The following VPS8 variants were observed in gnomAD, a reference collection of about 807,000 sequenced individuals.
VPS8 encodes the protein VPS8 subunit of CORVET complex.
VPS8 carries 129 observed loss-of-function variants against 216.4 expected under a neutral mutation model. That is an observed-to-expected ratio of 0.60 (90% CI 0.52 to 0.69). The LOEUF (loss-of-function observed/expected upper bound fraction) is 0.69, where lower values mean the gene tolerates loss of function less well. VPS8 is among the 30% of genes least tolerant of loss of function. The pLI, the probability that VPS8 is intolerant of heterozygous loss-of-function variation, is 0.00. For missense variants in VPS8, 1,531 were observed against 1,683.5 expected, an observed-to-expected ratio of 0.91 and a Z score of 1.59; for synonymous variants, 571 against 565.4, an observed-to-expected ratio of 1.01 and a Z score of -0.14.
intron 1 of VPS8, 79 bp downstream of exon 1, chr3:184,812,304 G>A (rs1484714155): frequency 1.3e-5 from 2 of 152,252 alleles, no homozygotes; most frequent in Admixed American, 6.5e-5. Flanking sequence ...GAGAGCGCGC[G>A]ACAGGTCTCT....
chr3:184,862,590 T>G (rs1726573669), intron 15 of VPS8, among the ~76,000 whole-genome samples: 1 of 152,240 alleles, frequency 6.6e-6, no homozygotes, highest in Admixed American at 6.5e-5. Context: ...GATAATGAAG[T>G]CATTTGTGCC....
chr3:184,957,763 T>C (rs1745856926), intron 37 of VPS8, among the ~76,000 whole-genome samples: 1 of 152,232 alleles, frequency 6.6e-6, no homozygotes, highest in Non-Finnish European at 1.5e-5. Flanking sequence ...CTCAAGGCAG[T>C]GGCTTAGGGG....
At chr3:184,893,957 A>G (rs1732853431) in intron 22 of VPS8, among the ~76,000 whole-genome samples, 1 of 152,228 alleles carries the variant, frequency 6.6e-6, no homozygotes, top group Non-Finnish European at 1.5e-5. Flanking sequence ...AGAATTCCGA[A>G]TTCTGTCTGT....
intron 39 of VPS8, among the ~76,000 whole-genome samples, chr3:184,968,143 T>C (rs1388249013): frequency 7.9e-5 from 12 of 152,196 alleles, no homozygotes; most frequent in African/African-American, 2.9e-4. Flanking sequence ...AATTATATAG[T>C]GTTTGTCGTT....
At chr3:184,894,346 G>C (rs1381331039) in intron 22 of VPS8, among the ~76,000 whole-genome samples, 1 of 152,008 alleles carries the variant, frequency 6.6e-6, no homozygotes, top group East Asian at 1.9e-4. Context: ...TGCCACAATA[G>C]ACTGAGCACA....
Position 184,999,852 on chromosome 3 carries a change from C to A in VPS8, c.3993C>A (p.Thr1331=), listed in dbSNP as rs1426116943. The change falls in exon 45 of 48, where the codon ACC becomes ACA. Residue 1331 remains threonine, a synonymous_variant. Transcript: ENST00000625842. ...CTGAAATTAAAAAGGGAAGGATAAC[C>A]CCATCACAGGTAAGACTTGTTTTCG... ...NSSEIKKGRI[T]PSQVKMSPSY... 6.2e-7 allele frequency: 1 copy of A among 1,609,000 alleles called. No homozygotes were observed.
At chr3:184,964,307 A>G (rs151276239) in intron 37 of VPS8, among the ~76,000 whole-genome samples, 161 bp from the exon 38 acceptor site, 443 of 152,270 alleles carry the variant, frequency 2.9e-3, no homozygotes, top group African/African-American at 0.01. Flanking sequence ...GATCTACTAT[A>G]TGACTAGAAA....
At chr3:184,993,788 A>G (rs1442377626) in intron 42 of VPS8, among the ~76,000 whole-genome samples, 195 bp from the exon 43 acceptor site, 1 of 152,188 alleles carries the variant, frequency 6.6e-6, no homozygotes, top group Non-Finnish European at 1.5e-5. Flanking sequence ...GGATAATTTA[A>G]ATTTTGTTTT....
At chr3:184,898,117 A>G (rs879771364) in intron 23 of VPS8, among the ~76,000 whole-genome samples, 10 of 151,138 alleles carry the variant, frequency 6.6e-5, no homozygotes, top group Non-Finnish European at 1.5e-4. Context: ...CCCAAGTCTT[A>G]ACTCACACGC....
intron 40 of VPS8, among the ~76,000 whole-genome samples, chr3:184,974,901 A>C (rs188343501): frequency 9.2e-5 from 14 of 151,980 alleles, no homozygotes; most frequent in Admixed American, 9.2e-4. Flanking sequence ...TCTCTGTTCT[A>C]TTTCGTTGGT....
At position 184,855,818 on chromosome 3, in the gene VPS8, G is replaced by C. The variant is rs373088687; in HGVS notation, c.1143G>C (p.Leu381Phe). 8 of 1,608,954 alleles carry C rather than the reference G, an allele frequency of 5.0e-6. No individual in the cohort carries two copies. The African/African-American group carries it at 1.1e-4, about 22-fold the overall frequency. The change falls in exon 14 of 48, where the codon TTG becomes TTC. Residue 381 changes from leucine (L) to phenylalanine (F), a missense_variant and splice_region_variant. Physicochemically the swap from Leu to Phe is conservative, Grantham distance 22 (BLOSUM62 0). Transcript: ENST00000625842. ...GAGGAGATGTTGTTCATTTTCTATT[G>C]GTAAGTCCTAATATGACCATTAGAA... Reference protein sequence around the residue: ...FCRGDVVHFLLVKRDESGAIH... With the variant: ...FCRGDVVHFLFVKRDESGAIH...
At chr3:184,976,450 G>A (rs1036296280) in intron 40 of VPS8, among the ~76,000 whole-genome samples, 3 of 151,486 alleles carry the variant, frequency 2.0e-5, no homozygotes, top group Non-Finnish European at 2.9e-5. Flanking sequence ...GAATCAGACA[G>A]TACATGACTT....
chr3:185,000,500 A>G (rs1460098478), intron 45 of VPS8, among the ~76,000 whole-genome samples: 1 of 152,058 alleles, frequency 6.6e-6, no homozygotes, highest in Admixed American at 6.6e-5. Flanking sequence ...TTGAGGTAGT[A>G]TCATATTTTT....
At position 184,824,719 on chromosome 3, in the gene VPS8, A is replaced by G. The variant is rs1395609111; in HGVS notation, c.87A>G (p.Leu29=). ...AAGAGCTGAATAAGTCTTTCAATCT[A>G]GAAGCTTCACTTTCAAAATTCTCTT... ...SEEELNKSFN[L]EASLSKFSYI... is the part of the protein sequence containing the mutation. Residue 29 remains leucine, a synonymous_variant, in exon 2 of 48, where the codon CTA becomes CTG. Coordinates refer to ENST00000625842, the MANE Select transcript of VPS8 (RefSeq NM_001009921.3). The G allele has an allele frequency of 6.2e-7, 1 of 1,613,724 alleles. No individual in the cohort carries two copies. The highest frequency in any genetic ancestry group is 8.5e-7 in the Non-Finnish European group (1 of 1,179,790).
intron 15 of VPS8, among the ~76,000 whole-genome samples, chr3:184,861,038 G>T (rs1251504691): frequency 1.1e-4 from 16 of 151,988 alleles, no homozygotes. Flanking sequence ...TAGCCAGGAT[G>T]GTCTCAATCT....
At chr3:184,934,109 TC>T (rs1246883580) in intron 34 of VPS8, among the ~76,000 whole-genome samples, 2 of 152,202 alleles carry the variant, frequency 1.3e-5, no homozygotes, top group Non-Finnish European at 2.9e-5. Context: ...TTTAATATCT[TC>T]CTATAAAGTT....
chr3:184,956,455 G>A (rs1363447514), intron 36 of VPS8, among the ~76,000 whole-genome samples: 1 of 152,204 alleles, frequency 6.6e-6, no homozygotes, highest in Non-Finnish European at 1.5e-5. Flanking sequence ...CCTTTCTTCA[G>A]AACTGGGCTA....
intron 46 of VPS8, among the ~76,000 whole-genome samples, chr3:185,032,902 C>T (rs972406123): frequency 2.0e-5 from 3 of 152,118 alleles, no homozygotes; most frequent in Admixed American, 1.3e-4. Context: ...CTCCTGACCT[C>T]GTGATCCGCC....
chr3:184,822,509 A>G (rs1717824219), intron 1 of VPS8, among the ~76,000 whole-genome samples: 2 of 152,244 alleles, frequency 1.3e-5, no homozygotes, highest in African/African-American at 2.4e-5. Context: ...AAGAGATAAA[A>G]TATGAAACAT....
Sources: allele counts gnomAD v4.1 joint callset (sites outside exome capture counted in the v4.1 genomes callset), GRCh38; gene constraint gnomAD v4.1.1; transcripts MANE v1.5; gene names NCBI Gene and HGNC (gene_info 2026-07-23, HGNC 2026-07-21).